The following CPQ variants were observed in gnomAD, a reference collection of about 807,000 sequenced individuals.
CPQ encodes the protein Ser-Met dipeptidase.
CPQ carries 37 observed loss-of-function variants against 45.7 expected under a neutral mutation model. The observed-to-expected ratio is 0.81, with a 90% CI of 0.62 to 1.07. The LOEUF is 1.07. CPQ is among the 50% of genes least tolerant of loss of function. CPQ has a pLI of 0.00. For synonymous variants in CPQ, 186 were observed against 205.8 expected (o/e 0.90, Z 0.82); for missense variants, 537 against 572.9 (o/e 0.94, Z 0.64).
Position 97,136,495 on chromosome 8 carries a change from G to A in CPQ, c.1256-6525G>A, listed in dbSNP as rs553030330. Among the ~76,000 whole-genome samples, 5 of 152,242 alleles carry A rather than the reference G, an allele frequency of 3.3e-5. No homozygotes were observed. In the South Asian group the frequency reaches 1.0e-3, roughly 32 times the overall value. On this transcript the variant is annotated intron_variant, in intron 7 of 7. Transcript: ENST00000220763. ...ATCATTAGCCCTGTTTGCTGATTGA[G>A]GAAACTAAAGTTGAATGGCTTTACA...
chr8:96,796,162 G>A (rs1810925880), intron 2 of CPQ, among the ~76,000 whole-genome samples: 1 of 151,996 alleles, frequency 6.6e-6, no homozygotes, highest in Non-Finnish European at 1.5e-5. Flanking sequence ...ACCTTCACCT[G>A]CATGGGTATT....
At position 97,123,271 on chromosome 8, in the gene CPQ, TAGTG is replaced by T. The variant is rs913777023; in HGVS notation, c.1256-19745_1256-19742del. 8.8e-5 allele frequency among the ~76,000 whole-genome samples: 12 copies of T among 136,970 alleles called. No individual in the cohort carries two copies. In the South Asian group the frequency reaches 2.1e-3, roughly 24 times the overall value. 89.9% of individuals were successfully genotyped at this position (136,970 alleles called of 152,430 possible). On this transcript the variant is annotated intron_variant, in intron 7 of 7. Coordinates refer to ENST00000220763, the MANE Select transcript of CPQ (RefSeq NM_016134.4). The stretch of plus-strand genomic sequence containing the variant: ...AAAATAAAAATAAAATAAAATAAAA[TAGTG>T]AGTAAATATAAAAGGCATTTTGGTT...
At chr8:97,078,763 T>TTCTC (rs749278181) in intron 7 of CPQ, among the ~76,000 whole-genome samples, 14,740 of 100,058 alleles carry the variant, frequency 0.15, 1,212 homozygotes, top group Non-Finnish European at 0.2. Flanking sequence ...TCATTTCCAT[T>TTCTC]TCTCTCTCTC....
chr8:96,729,762 T>A (rs1809886473), intron 1 of CPQ, among the ~76,000 whole-genome samples: 1 of 152,190 alleles, frequency 6.6e-6, no homozygotes, highest in Non-Finnish European at 1.5e-5. Context: ...TACTGCAAAT[T>A]CAAATTGCTC....
chr8:96,926,684 T>C (rs1812895705), intron 4 of CPQ, among the ~76,000 whole-genome samples: 1 of 151,558 alleles, frequency 6.6e-6, no homozygotes, highest in Middle Eastern at 3.4e-3. Context: ...CTTCTTCTTC[T>C]CTTTTTATTG....
chr8:97,050,056 C>A (rs1473558779), intron 6 of CPQ, among the ~76,000 whole-genome samples: 1 of 152,094 alleles, frequency 6.6e-6, no homozygotes, highest in Non-Finnish European at 1.5e-5. Context: ...GAGCTTTTGG[C>A]AAATTGCTTA....
At chr8:97,062,710 G>C (rs1054245880) in intron 6 of CPQ, among the ~76,000 whole-genome samples, 7 of 152,104 alleles carry the variant, frequency 4.6e-5, no homozygotes, top group African/African-American at 1.7e-4. Flanking sequence ...CCACTTATAA[G>C]TGAGAACATG....
intron 4 of CPQ, among the ~76,000 whole-genome samples, chr8:96,901,297 A>G (rs1812509991): frequency 6.6e-6 from 1 of 152,120 alleles, no homozygotes; most frequent in South Asian, 2.1e-4. Flanking sequence ...CTGCATTGCA[A>G]CTTGATTTGT....
chr8:97,121,985 G>T (rs1281274138), intron 7 of CPQ, among the ~76,000 whole-genome samples: 4 of 152,000 alleles, frequency 2.6e-5, no homozygotes, highest in African/African-American at 7.2e-5. Context: ...AGATAAAAAG[G>T]CTCTTGTAAA....
At chr8:96,728,985 A>C (rs113928176) in intron 1 of CPQ, among the ~76,000 whole-genome samples, 1 of 152,334 alleles carries the variant, frequency 6.6e-6, no homozygotes, top group Admixed American at 6.5e-5. Context: ...CCCATGTCCT[A>C]TTGGATGTAG....
chr8:96,822,171 G>C (rs1811315789), intron 2 of CPQ, among the ~76,000 whole-genome samples: 1 of 151,892 alleles, frequency 6.6e-6, no homozygotes, highest in Non-Finnish European at 1.5e-5. Context: ...TGTGTGCCTG[G>C]CCTATTTTAC....
intron 1 of CPQ, among the ~76,000 whole-genome samples, chr8:96,702,004 C>G (rs1809468370): frequency 6.6e-6 from 1 of 152,198 alleles, no homozygotes; most frequent in Non-Finnish European, 1.5e-5. Context: ...TCATCTGGCT[C>G]CTAATCTATT....
intron 4 of CPQ, among the ~76,000 whole-genome samples, chr8:96,913,135 A>G (rs1379407297): frequency 6.6e-6 from 1 of 152,204 alleles, no homozygotes; most frequent in Non-Finnish European, 1.5e-5. Flanking sequence ...TCTGATAAGA[A>G]GAGGAATCCT....
intron 7 of CPQ, among the ~76,000 whole-genome samples, chr8:97,087,368 GCAGC>G (rs1450078707): frequency 6.6e-6 from 1 of 152,066 alleles, no homozygotes; most frequent in Non-Finnish European, 1.5e-5. Flanking sequence ...GCTCAGGCAG[GCAGC>G]CTCGCCCAGT....
intron 1 of CPQ, among the ~76,000 whole-genome samples, chr8:96,676,529 T>A (rs1467953060): frequency 1.3e-5 from 2 of 151,868 alleles, no homozygotes; most frequent in Non-Finnish European, 2.9e-5. Flanking sequence ...TGTATATATA[T>A]GCCACATTTT....
At chr8:96,934,431 C>A (rs975264535) in intron 4 of CPQ, among the ~76,000 whole-genome samples, 2 of 152,122 alleles carry the variant, frequency 1.3e-5, no homozygotes, top group African/African-American at 4.8e-5. Flanking sequence ...GGGGCCAAGT[C>A]ACGCATTAAG....
chr8:96,937,068 C>T (rs571167177), intron 4 of CPQ, among the ~76,000 whole-genome samples: 1 of 152,114 alleles, frequency 6.6e-6, no homozygotes, highest in Admixed American at 6.5e-5. Flanking sequence ...ATGTCATTGT[C>T]TCTTATGACT....
intron 1 of CPQ, 36 bp from the exon 2 acceptor site, chr8:96,784,827 CT>C: frequency 6.9e-7 from 1 of 1,451,144 alleles, no homozygotes; most frequent in Non-Finnish European, 9.3e-7. Context: ...CTGTGAGATT[CT>C]TTTCCCCTAA....
chr8:96,924,998 T>G (rs943605802), intron 4 of CPQ, among the ~76,000 whole-genome samples: 1 of 152,216 alleles, frequency 6.6e-6, no homozygotes. Flanking sequence ...CAAAAGTAAC[T>G]GAGTGACTAA....
Sources: gnomAD v4.1 joint callset for allele counts (sites outside exome capture counted in the v4.1 genomes callset) on GRCh38, gnomAD v4.1.1 for gene constraint, MANE v1.5 for transcripts, NCBI Gene and HGNC (gene_info 2026-07-23, HGNC 2026-07-21) for gene names.